Variants in LMO7 observed in about 807,000 individuals in gnomAD.
LMO7 encodes LIM domain 7, also known as LIM domain only protein 7.
In LMO7, 120 loss-of-function variants were observed where a neutral mutation model predicts 206.5. The observed-to-expected ratio is 0.58, with a 90% CI of 0.50 to 0.68. The LOEUF (loss-of-function observed/expected upper bound fraction) is 0.68, where lower values mean the gene tolerates loss of function less well. Ranked by LOEUF, LMO7 falls within the 30% of genes least tolerant of loss-of-function variation. The pLI is 0.00. For missense variants in LMO7, 1,959 were observed against 1,957.9 expected, an observed-to-expected ratio of 1.00 and a Z score of -0.01; for synonymous variants, 706 against 681.5, an observed-to-expected ratio of 1.04 and a Z score of -0.56.
chr13:75,823,149 G>A (rs1361509138), intron 14 of LMO7, among the ~76,000 whole-genome samples: 12 of 152,074 alleles, frequency 7.9e-5, no homozygotes, highest in Non-Finnish European at 1.8e-4. Flanking sequence ...GGTAAAACAT[G>A]TTCTCAGTTC....
rs146713281 is a variant in LMO7 at position 75,800,877 on chromosome 13, G to C, written c.656G>C (p.Arg219Pro). 73 of 1,613,500 alleles carry C rather than the reference G, an allele frequency of 4.5e-5. No homozygotes were observed. The African/African-American group carries it at 9.2e-4, about 20-fold the overall frequency. The change falls in exon 7 of 31, where the codon CGT becomes CCT. Residue 219 changes from arginine to proline, a missense_variant. Transcript: ENST00000377534. ...TCTGATATCACGTTGAGAGGGGGGC[G>C]TGAAGGTGTGTTGTGTTTTGGCTGT... Reference protein sequence around the residue: ...CSSDITLRGGREGFESDTDSE... With the variant: ...CSSDITLRGGPEGFESDTDSE...
At chr13:75,636,983 G>T (rs1339125331) in intron 1 of LMO7, among the ~76,000 whole-genome samples, 1 of 152,124 alleles carries the variant, frequency 6.6e-6, no homozygotes, top group African/African-American at 2.4e-5. Context: ...GCAGAGGTGG[G>T]CGTTCGCCTG....
intron 3 of LMO7, among the ~76,000 whole-genome samples, chr13:75,756,230 T>C (rs2047673370): frequency 6.6e-6 from 1 of 152,166 alleles, no homozygotes; most frequent in East Asian, 1.9e-4. Flanking sequence ...AGAGCTACTC[T>C]TGAAGAGATT....
rs773245524 is a variant in LMO7 at position 75,821,502 on chromosome 13, C to T, written c.2533C>T (p.Pro845Ser). Reference sequence around the variant, plus strand: ...ATCAACTCGTGTTTCAGCTTCTCTCCCCAGAAGTTACCGGAAAACTGATAC... The same window carrying T: ...ATCAACTCGTGTTTCAGCTTCTCTCTCCAGAAGTTACCGGAAAACTGATAC... ...MESTRVSASL[P>S]RSYRKTDTVR... is the part of the protein sequence containing the mutation. Residue 845 changes from proline (P) to serine (S), a missense_variant, in exon 14 of 31, where the codon CCC (proline) becomes TCC (serine). Transcript: ENST00000377534. 6.2e-7 allele frequency: 1 copy of T among 1,614,070 alleles called. No homozygotes were observed. The highest frequency in any genetic ancestry group is 8.5e-7 in the Non-Finnish European group (1 of 1,179,950).
rs71127567 is a variant in LMO7 at position 75,646,593 on chromosome 13, T to TA, written c.69+9869dup. Among the ~76,000 whole-genome samples, 917 of 136,616 alleles carry TA rather than the reference T, an allele frequency of 6.7e-3. 16 individuals are homozygous for TA. The highest frequency in any genetic ancestry group is 0.064 in the East Asian group (303 of 4,744). 89.6% of individuals were successfully genotyped at this position (136,616 alleles called of 152,430 possible). A position where few individuals can be genotyped will look rare whatever the true frequency, so the allele number is the denominator to read the frequency against. ...GAGAGAACTTTTTTTTTTTTTTTTT[T>TA]AATTTTTGAGATGGAGTTTCACTCT... is the stretch of plus-strand genomic sequence containing the variant. On this transcript the variant is annotated intron_variant, in intron 1 of 30. Transcript: ENST00000377534.
intron 11 of LMO7, among the ~76,000 whole-genome samples, chr13:75,812,643 G>A (rs1386440335): frequency 3.3e-5 from 5 of 152,074 alleles, no homozygotes; most frequent in Admixed American, 1.3e-4. Flanking sequence ...CTGCATAGTG[G>A]GAGAAGAGAG....
At chr13:75,800,916 C>T (rs1210570104) in intron 7 of LMO7, 34 bp downstream of exon 7, 4 of 1,595,030 alleles carry the variant, frequency 2.5e-6, no homozygotes, top group South Asian at 1.1e-5. Flanking sequence ...TTTATTTGTT[C>T]ACATATTAAG....
intron 1 of LMO7, among the ~76,000 whole-genome samples, chr13:75,667,684 A>G (rs962854194): frequency 2.0e-5 from 3 of 151,984 alleles, no homozygotes; most frequent in Non-Finnish European, 1.5e-5. Flanking sequence ...TTTCCTTTCC[A>G]TACCTAGATA....
chr13:75,716,472 G>C (rs1355595885), intron 2 of LMO7, among the ~76,000 whole-genome samples: 1 of 152,058 alleles, frequency 6.6e-6, no homozygotes, highest in East Asian at 1.9e-4. Context: ...TTTCATCAAG[G>C]AATACTCCCT....
At chr13:75,637,915 A>T (rs1171282171) in intron 1 of LMO7, among the ~76,000 whole-genome samples, 1 of 152,214 alleles carries the variant, frequency 6.6e-6, no homozygotes, top group East Asian at 1.9e-4. Flanking sequence ...AAGGTGACTT[A>T]GAAAGATGTG....
intron 1 of LMO7, among the ~76,000 whole-genome samples, chr13:75,681,706 GTATATATATA>G (rs150463472): frequency 0.018 from 1,714 of 93,314 alleles, 113 homozygotes; most frequent in Middle Eastern, 0.042. Context: ...GTATGTATGT[GTATATATATA>G]TGTATATATA....
intron 3 of LMO7, among the ~76,000 whole-genome samples, chr13:75,729,202 A>G (rs1461330768): frequency 1.3e-5 from 2 of 148,736 alleles, no homozygotes; most frequent in Non-Finnish European, 1.5e-5. Context: ...CATTGAATCT[A>G]TAAATTACCT....
At chr13:75,781,003 C>A (rs1032109942) in intron 4 of LMO7, among the ~76,000 whole-genome samples, 1 of 147,454 alleles carries the variant, frequency 6.8e-6, no homozygotes, top group African/African-American at 2.5e-5. Context: ...ATTCCTTTTT[C>A]TAATGGCACC....
In LMO7 at chr13:75,841,810, G is replaced by A. The variant is rs149629426; in HGVS notation, c.3858G>A (p.Pro1286=). The change falls in exon 24 of 31, where the codon CCG becomes CCA. Residue 1286 remains proline (P), a synonymous_variant. Transcript: ENST00000377534. ...TTCATGAGGACCAAGGAAAGAAGCC[G>A]CAGGATCAGCTTGTTATTGAGAGAG... ...EVVHEDQGKK[P]QDQLVIERER... is the part of the protein sequence containing the mutation. 107 of 1,613,956 alleles carry A rather than the reference G, an allele frequency of 6.6e-5. No individual in the cohort carries two copies. In the African/African-American group the frequency reaches 8.3e-4, roughly 12 times the overall value.
chr13:75,747,659 C>T (rs943119723), intron 3 of LMO7, among the ~76,000 whole-genome samples: 3 of 152,134 alleles, frequency 2.0e-5, no homozygotes, highest in African/African-American at 7.2e-5. Context: ...GGACATAACC[C>T]ACAGGGACTT....
At chr13:75,665,702 C>T (rs7334072) in intron 1 of LMO7, among the ~76,000 whole-genome samples, 137,729 of 152,186 alleles carry the variant, frequency 0.91, 62,493 homozygotes, top group East Asian at 1. Context: ...AATTTTTGTA[C>T]TTTTAGTAGA....
rs182938764 is a variant in LMO7, at chr13:75,656,372, T to C, written c.69+19646T>C. ...ATTATGCTTAAAAATGCTTTAGGCTTTCTGTAGATGCACTATTAATATTAT... is the reference window on the plus strand; with the variant it reads ...ATTATGCTTAAAAATGCTTTAGGCTCTCTGTAGATGCACTATTAATATTAT... On this transcript the variant is annotated intron_variant, in intron 1 of 30. Transcript: ENST00000377534. 2.0e-5 allele frequency among the ~76,000 whole-genome samples: 3 copies of C among 152,354 alleles called. No homozygotes were observed. The East Asian group carries it at 5.8e-4, about 29-fold the overall frequency.
intron 4 of LMO7, among the ~76,000 whole-genome samples, chr13:75,791,008 G>T (rs1466378903): frequency 8.3e-5 from 12 of 144,414 alleles, no homozygotes; most frequent in Admixed American, 3.5e-4. Flanking sequence ...ATGGAGTCTT[G>T]CTCTGTCGCC....
intron 3 of LMO7, among the ~76,000 whole-genome samples, chr13:75,737,748 G>A (rs1268907986): frequency 8.2e-5 from 1 of 12,192 alleles, no homozygotes; most frequent in Non-Finnish European, 1.6e-4. Context: ...GCGAGACTCC[G>A]TCTCAAAAAA....
Sources: gnomAD v4.1 joint callset for allele counts (sites outside exome capture counted in the v4.1 genomes callset) on GRCh38, gnomAD v4.1.1 for gene constraint, MANE v1.5 for transcripts, NCBI Gene and HGNC (gene_info 2026-07-23, HGNC 2026-07-21) for gene names.